NTRK3: variants seen among roughly 807,000 people sequenced by gnomAD.
NTRK3 encodes the protein NT-3 growth factor receptor.
A neutral mutation model predicts 91.7 loss-of-function variants in NTRK3; 24 were observed. That is an observed-to-expected ratio of 0.26 (90% confidence interval 0.19 to 0.37). The LOEUF (loss-of-function observed/expected upper bound fraction) is 0.37. Among genes scored for constraint, NTRK3 ranks in the 10% least tolerant of loss-of-function variants. The probability of loss-of-function intolerance (pLI) is 1.00; values close to 1 mark genes in which losing one functional copy is unlikely to be tolerated. For missense variants in NTRK3, 880 were observed against 1,068.9 expected, an observed-to-expected ratio of 0.82 and a Z score of 2.46; for synonymous variants, 483 against 404.0, an observed-to-expected ratio of 1.20 and a Z score of -2.34.
rs776453144 is a variant in NTRK3 at position 87,929,154 on chromosome 15, C to G, written c.2133+37G>C. On this transcript the variant is annotated intron_variant, in intron 17 of 18. Transcript: ENST00000394480. ...AAGACATGTAAGCAAGGCGCTAGCT[C>G]TGTGGCTGAGTCCTGCAGCTGGGAA... is the stretch of plus-strand genomic sequence containing the variant. 9.3e-6 allele frequency: 15 copies of G among 1,613,934 alleles called. No individual in the cohort carries two copies. In the South Asian group the frequency reaches 1.4e-4, roughly 15 times the overall value.
chr15:87,989,728 A>T (rs2075138924), intron 14 of NTRK3, among the ~76,000 whole-genome samples: 1 of 150,938 alleles, frequency 6.6e-6, no homozygotes, highest in Non-Finnish European at 1.5e-5. Flanking sequence ...TGCCTCAGCC[A>T]CTTAAGTAGC....
intron 3 of NTRK3, among the ~76,000 whole-genome samples, chr15:88,227,231 C>T (rs1280055055): frequency 6.6e-6 from 1 of 152,132 alleles, no homozygotes; most frequent in East Asian, 1.9e-4. Flanking sequence ...CCTTTGTGCC[C>T]ACATTTCCCT....
intron 14 of NTRK3, among the ~76,000 whole-genome samples, chr15:87,961,572 G>A (rs1352687630): frequency 2.0e-5 from 3 of 152,274 alleles, no homozygotes; most frequent in East Asian, 1.9e-4. Context: ...CAGGAGCTGG[G>A]GTGGGAGATG....
At chr15:87,994,595 G>C (rs767457207) in intron 14 of NTRK3, among the ~76,000 whole-genome samples, 9 of 152,160 alleles carry the variant, frequency 5.9e-5, no homozygotes, top group Non-Finnish European at 1.3e-4. Context: ...CGGGCCTCCA[G>C]AACCGAGAAA....
chr15:87,878,906 GGTGTGT>G (rs34029623), intron 18 of NTRK3, among the ~76,000 whole-genome samples: 10,004 of 141,916 alleles, frequency 0.07, 466 homozygotes, highest in African/African-American at 0.13. Flanking sequence ...GTGCATGCAT[GGTGTGT>G]GTGTGTGTGT....
At chr15:87,879,948 T>C (rs554025229) in intron 18 of NTRK3, among the ~76,000 whole-genome samples, 1 of 152,172 alleles carries the variant, frequency 6.6e-6, no homozygotes, top group Non-Finnish European at 1.5e-5. Context: ...GATGGCACAA[T>C]TGAAAAACTC....
At chr15:88,211,541 A>G (rs1256196210) in intron 3 of NTRK3, among the ~76,000 whole-genome samples, 1 of 152,240 alleles carries the variant, frequency 6.6e-6, no homozygotes, top group East Asian at 1.9e-4. Flanking sequence ...AGAATTGTCC[A>G]TTTTTAAAGG....
At position 88,147,420 on chromosome 15, in the gene NTRK3, T is replaced by A; in HGVS notation, c.396-17A>T. 6.2e-7 allele frequency: 1 copy of A among 1,611,744 alleles called. No individual in the cohort carries two copies. Among genetic ancestry groups the A allele is most frequent in the East Asian group, 2.2e-5 (1 of 44,858 alleles). On this transcript the variant is annotated splice_polypyrimidine_tract_variant and intron_variant, in intron 5 of 18. Transcript: ENST00000394480. ...GACAGGTTTCTGCAAGATTGACAAA[T>A]AAAGGGAAATTTTAAAACAAGTCTG...
chr15:88,191,311 C>A (rs1229370215), intron 3 of NTRK3, among the ~76,000 whole-genome samples: 2 of 152,070 alleles, frequency 1.3e-5, no homozygotes, highest in African/African-American at 4.8e-5. Context: ...CCTCAGCCTA[C>A]CGAGTAGCTG....
chr15:88,108,533 G>T (rs931267193), intron 13 of NTRK3, among the ~76,000 whole-genome samples: 2 of 152,122 alleles, frequency 1.3e-5, no homozygotes, highest in Non-Finnish European at 2.9e-5. Flanking sequence ...CCAACTGACA[G>T]AATCATAGAA....
At chr15:88,024,891 T>G (rs1428746546) in intron 14 of NTRK3, among the ~76,000 whole-genome samples, 1 of 152,258 alleles carries the variant, frequency 6.6e-6, no homozygotes, top group Non-Finnish European at 1.5e-5. Context: ...AGTCTTTTAG[T>G]AAACATGGCA....
chr15:87,956,644 A>G (rs1003368335), intron 14 of NTRK3, among the ~76,000 whole-genome samples: 24 of 151,896 alleles, frequency 1.6e-4, no homozygotes, highest in African/African-American at 5.6e-4. Flanking sequence ...ATCTTGGCTC[A>G]CAACAACCCC....
chr15:88,035,168 A>G (rs1449782220), intron 13 of NTRK3, among the ~76,000 whole-genome samples: 1 of 152,222 alleles, frequency 6.6e-6, no homozygotes, highest in Non-Finnish European at 1.5e-5. Flanking sequence ...GATGACCAAC[A>G]GGACTGCAGG....
At chr15:88,131,469 T>C (rs1361519948) in intron 10 of NTRK3, among the ~76,000 whole-genome samples, 1 of 152,304 alleles carries the variant, frequency 6.6e-6, no homozygotes, top group East Asian at 1.9e-4. Flanking sequence ...CACAGAACTA[T>C]CTTCACATTC....
chr15:87,910,510 A>G (rs2067024918), intron 17 of NTRK3, among the ~76,000 whole-genome samples: 1 of 152,226 alleles, frequency 6.6e-6, no homozygotes, highest in Non-Finnish European at 1.5e-5. Context: ...GCCGTGTTTC[A>G]GTCTCCAGTG....
At chr15:88,256,614 A>C (rs771431918) in intron 1 of NTRK3, 30 bp downstream of exon 1, 9 of 468,942 alleles carry the variant, frequency 1.9e-5, no homozygotes, top group Non-Finnish European at 2.9e-5. Context: ...CCTGCAAAAC[A>C]CACACACTCA....
intron 14 of NTRK3, among the ~76,000 whole-genome samples, chr15:87,998,996 A>T (rs1596603347): frequency 6.6e-6 from 1 of 152,104 alleles, no homozygotes; most frequent in Non-Finnish European, 1.5e-5. Flanking sequence ...CAATCCTCAA[A>T]AATGGGGCTT....
At chr15:88,048,626 T>C (rs749599517) in intron 13 of NTRK3, among the ~76,000 whole-genome samples, 10 of 152,216 alleles carry the variant, frequency 6.6e-5, no homozygotes, top group Non-Finnish European at 1.5e-4. Flanking sequence ...TTTGCTCTCA[T>C]GATGGGAAGA....
rs1491166187 is a variant in NTRK3 at position 88,033,176 on chromosome 15, T to TATATATATATA, written c.1397-132_1397-131insTATATATATAT. 3 of 192,386 alleles carry TATATATATATA rather than the reference T, an allele frequency of 1.6e-5. No homozygotes were observed. The African/African-American group carries it at 1.8e-4, about 12-fold the overall frequency. The allele number at this position is 192,386 out of a possible 1,614,324, so 11.9% of individuals were successfully genotyped here. On this transcript the variant is annotated intron_variant, in intron 13 of 18. Transcript: ENST00000394480. ...CTTTTTTTTACTTTTGGGGGGTGTGTTATATATATATATATATATATATAT... is the reference window on the plus strand; with the variant it reads ...CTTTTTTTTACTTTTGGGGGGTGTGTATATATATATATATATATATATATATATATATATAT...
Sources: allele counts gnomAD v4.1 joint callset (sites outside exome capture counted in the v4.1 genomes callset), GRCh38; gene constraint gnomAD v4.1.1; transcripts MANE v1.5; gene names NCBI Gene and HGNC (gene_info 2026-07-23, HGNC 2026-07-21).